NELL1: variants seen among roughly 807,000 people sequenced by gnomAD.
NELL1 encodes protein kinase C-binding protein NELL1.
In NELL1, 76 loss-of-function variants were observed where a neutral mutation model predicts 107.4. The observed-to-expected ratio is 0.71, with a 90% confidence interval of 0.59 to 0.86. The LOEUF (loss-of-function observed/expected upper bound fraction) is 0.86, where lower values mean the gene tolerates loss of function less well. Among genes scored for constraint, NELL1 ranks in the 40% least tolerant of loss-of-function variants. The pLI, the probability that NELL1 is intolerant of heterozygous loss-of-function variation, is 0.00. For synonymous variants in NELL1, 353 were observed against 341.2 expected, an observed-to-expected ratio of 1.03 and a Z score of -0.38; for missense variants, 1,024 against 1,005.5, an observed-to-expected ratio of 1.02 and a Z score of -0.25.
Position 20,947,598 on chromosome 11 carries a change from C to A in NELL1, c.1171+163C>A, listed in dbSNP as rs79313947. Among the ~76,000 whole-genome samples, 132 of 152,252 alleles carry A rather than the reference C, an allele frequency of 8.7e-4. 1 individual carries two copies. Among genetic ancestry groups the A allele is most frequent in the African/African-American group, 3.1e-3 (128 of 41,532 alleles). Reference sequence around the variant, plus strand: ...ATTTACCTCTCTCAGTCATAGTCTCCTCAATTATAAAATGAGGATAATAAT... The same window carrying A: ...ATTTACCTCTCTCAGTCATAGTCTCATCAATTATAAAATGAGGATAATAAT... On this transcript the variant is annotated intron_variant, in intron 11 of 19. Coordinates refer to ENST00000357134, the MANE Select transcript of NELL1 (RefSeq NM_006157.5).
At chr11:21,306,777 G>A (rs1030670754) in intron 14 of NELL1, among the ~76,000 whole-genome samples, 11 of 152,056 alleles carry the variant, frequency 7.2e-5, no homozygotes, top group South Asian at 2.1e-4. Context: ...TACACTGTAC[G>A]TGAAAGAGAA....
At chr11:21,346,685 A>G (rs534929768) in intron 14 of NELL1, among the ~76,000 whole-genome samples, 1 of 148,576 alleles carries the variant, frequency 6.7e-6, no homozygotes, top group African/African-American at 2.4e-5. Context: ...AATATATAAT[A>G]TATATGATAT....
At chr11:20,810,615 GA>G (rs1424538826) in intron 3 of NELL1, among the ~76,000 whole-genome samples, 1 of 152,110 alleles carries the variant, frequency 6.6e-6, no homozygotes, top group Non-Finnish European at 1.5e-5. Context: ...TCCATTTGTT[GA>G]TTGATGGGCA....
At chr11:21,471,774 A>C (rs1854190102) in intron 15 of NELL1, among the ~76,000 whole-genome samples, 1 of 152,082 alleles carries the variant, frequency 6.6e-6, no homozygotes, top group African/African-American at 2.4e-5. Flanking sequence ...TCCTAAGTTC[A>C]TGCTCTTTAT....
At position 21,485,936 on chromosome 11, in the gene NELL1, C is replaced by T. The variant is rs187458662; in HGVS notation, c.1646-48438C>T. ...GCCAACCCAACTGCTGATACTGCCA[C>T]AGCTAGTACCTACCTGTACAAGCCA... On this transcript the variant is annotated intron_variant, in intron 15 of 19. Coordinates refer to ENST00000357134, the MANE Select transcript of NELL1 (RefSeq NM_006157.5). Among the ~76,000 whole-genome samples the T allele has an allele frequency of 2.0e-5, 3 of 152,216 alleles. No homozygotes were observed. In the East Asian group the frequency reaches 5.8e-4, roughly 30 times the overall value.
intron 15 of NELL1, among the ~76,000 whole-genome samples, chr11:21,523,384 C>T (rs1300863859): frequency 6.6e-6 from 1 of 152,014 alleles, no homozygotes; most frequent in Middle Eastern, 3.2e-3. Context: ...TTTGGGTCTA[C>T]TATTTTGCAT....
intron 14 of NELL1, among the ~76,000 whole-genome samples, chr11:21,310,802 G>A (rs1005800688): frequency 2.0e-5 from 3 of 152,054 alleles, no homozygotes; most frequent in Admixed American, 2.0e-4. Flanking sequence ...TTTCCATGTT[G>A]GAGTGGAAGG....
At chr11:21,317,732 CAG>C (rs1174836482) in intron 14 of NELL1, among the ~76,000 whole-genome samples, 1 of 152,008 alleles carries the variant, frequency 6.6e-6, no homozygotes, top group Non-Finnish European at 1.5e-5. Context: ...TTTTTGAGCA[CAG>C]AGTTTACTTT....
At chr11:21,209,124 C>G (rs1670661) in intron 13 of NELL1, among the ~76,000 whole-genome samples, 2 of 151,852 alleles carry the variant, frequency 1.3e-5, no homozygotes, top group East Asian at 3.9e-4. Flanking sequence ...TGGCACATAA[C>G]GGGTTTAGAT....
intron 12 of NELL1, among the ~76,000 whole-genome samples, chr11:21,059,620 T>C (rs1516758): frequency 0.64 from 97,938 of 151,996 alleles, 32,413 homozygotes; most frequent in East Asian, 0.81. Context: ...GGATATACAC[T>C]AGGGTCTGAA....
intron 14 of NELL1, among the ~76,000 whole-genome samples, chr11:21,232,042 T>C (rs879778543): frequency 6.6e-6 from 1 of 151,156 alleles, no homozygotes; most frequent in Admixed American, 6.6e-5. Flanking sequence ...GGATCACACC[T>C]GATCCCAGCA....
intron 14 of NELL1, among the ~76,000 whole-genome samples, chr11:21,335,523 G>T (rs1159616410): frequency 1.3e-5 from 2 of 152,022 alleles, no homozygotes; most frequent in Admixed American, 6.6e-5. Flanking sequence ...CTTCATCTGG[G>T]TGTGAAATTT....
chr11:21,374,843 A>C (rs1157082349), intron 15 of NELL1, among the ~76,000 whole-genome samples: 1 of 151,526 alleles, frequency 6.6e-6, no homozygotes, highest in African/African-American at 2.4e-5. Context: ...ACAGCCACAA[A>C]CTGGGATTCA....
At chr11:20,670,909 G>C (rs1853888894) in intron 1 of NELL1, among the ~76,000 whole-genome samples, 1 of 152,234 alleles carries the variant, frequency 6.6e-6, no homozygotes, top group African/African-American at 2.4e-5. Context: ...CATCTGGAGA[G>C]GGCTAAGAAG....
At chr11:20,739,119 A>G (rs1412386604) in intron 2 of NELL1, among the ~76,000 whole-genome samples, 3 of 152,238 alleles carry the variant, frequency 2.0e-5, no homozygotes, top group African/African-American at 7.2e-5. Context: ...TGTATTGGCT[A>G]CTGTGTTGGA....
At chr11:21,364,759 A>T (rs202160699) in intron 14 of NELL1, among the ~76,000 whole-genome samples, 1 of 152,320 alleles carries the variant, frequency 6.6e-6, no homozygotes, top group Middle Eastern at 3.4e-3. Flanking sequence ...GTATGCAGAT[A>T]TGTAGGTGGT....
At chr11:20,981,277 TA>T (rs1851744318) in intron 12 of NELL1, among the ~76,000 whole-genome samples, 2 of 152,224 alleles carry the variant, frequency 1.3e-5, no homozygotes, top group South Asian at 4.1e-4. Context: ...TTTTTCATTT[TA>T]AAAGTGCTTT....
intron 3 of NELL1, among the ~76,000 whole-genome samples, chr11:20,831,595 C>T (rs1329244435): frequency 1.3e-5 from 2 of 152,062 alleles, no homozygotes; most frequent in Admixed American, 6.6e-5. Flanking sequence ...GGGGGGGACC[C>T]TGGATATATT....
intron 15 of NELL1, among the ~76,000 whole-genome samples, chr11:21,496,436 G>T (rs1202396153): frequency 5.7e-5 from 8 of 139,712 alleles, no homozygotes; most frequent in African/African-American, 2.1e-4. Flanking sequence ...CTTGAGAGGA[G>T]TCTCACTCTG....
Sources: gnomAD v4.1 joint callset for allele counts (sites outside exome capture counted in the v4.1 genomes callset) on GRCh38, gnomAD v4.1.1 for gene constraint, MANE v1.5 for transcripts, NCBI Gene and HGNC (gene_info 2026-07-23, HGNC 2026-07-21) for gene names.